Variants in FSTL5 observed in about 807,000 individuals in gnomAD.
The protein encoded by FSTL5 is follistatin like 5.
In FSTL5, 62 loss-of-function variants were observed where a neutral mutation model predicts 89.1. That is an observed-to-expected ratio of 0.70 (90% confidence interval 0.57 to 0.86). The LOEUF is 0.86. Ranked by LOEUF, FSTL5 falls within the 40% of genes least tolerant of loss-of-function variation. FSTL5 has a pLI of 0.00. For synonymous variants in FSTL5, 383 were observed against 346.2 expected, an observed-to-expected ratio of 1.11 and a Z score of -1.18; for missense variants, 1,057 against 1,001.6, an observed-to-expected ratio of 1.06 and a Z score of -0.75.
At chr4:162,083,396 T>G (rs1730177733) in intron 2 of FSTL5, among the ~76,000 whole-genome samples, 1 of 151,750 alleles carries the variant, frequency 6.6e-6, no homozygotes, top group Non-Finnish European at 1.5e-5. Flanking sequence ...TTTATTAAAG[T>G]ATGAAAAAAT....
intron 6 of FSTL5, among the ~76,000 whole-genome samples, chr4:161,707,955 A>G (rs1738639882): frequency 6.6e-6 from 1 of 151,630 alleles, no homozygotes; most frequent in Admixed American, 6.6e-5. Flanking sequence ...TACCTTCCAC[A>G]TTTTATAAAG....
chr4:161,728,650 T>G (rs1051462612), intron 6 of FSTL5, among the ~76,000 whole-genome samples: 2 of 152,066 alleles, frequency 1.3e-5, no homozygotes, highest in Non-Finnish European at 2.9e-5. Context: ...ATACATAATA[T>G]GGTAATATAT....
chr4:161,433,806 T>C (rs896671422), intron 15 of FSTL5, among the ~76,000 whole-genome samples: 1 of 151,882 alleles, frequency 6.6e-6, no homozygotes, highest in Non-Finnish European at 1.5e-5. Flanking sequence ...ATCCCATATA[T>C]AATAGCTACA....
chr4:161,538,603 T>C (rs765682419), intron 9 of FSTL5, among the ~76,000 whole-genome samples: 3 of 152,194 alleles, frequency 2.0e-5, no homozygotes, highest in Non-Finnish European at 4.4e-5. Flanking sequence ...TTCATTTATA[T>C]ATTTACTTAT....
chr4:161,656,338 T>C lies in FSTL5; in HGVS notation c.884A>G (p.Glu295Gly). ...TATTTATGTACTCACATTGATGTCT[T>C]CCAAATCTAAATTATTTAGAATAAT... ...NNIILNNLDL[E>G]DINDFGDDGS... The change falls in exon 7 of 16, where the codon GAA (glutamate) becomes GGA (glycine). Residue 295 changes from glutamate (E) to glycine (G), a missense_variant. Transcript: ENST00000306100. The C allele has an allele frequency of 6.4e-7, 1 of 1,567,470 alleles. No individual in the cohort carries two copies. Among genetic ancestry groups the C allele is most frequent in the South Asian group, 1.2e-5 (1 of 86,664 alleles).
intron 6 of FSTL5, among the ~76,000 whole-genome samples, chr4:161,751,517 G>A (rs1266352135): frequency 1.3e-5 from 2 of 152,242 alleles, no homozygotes; most frequent in Admixed American, 6.5e-5. Flanking sequence ...CCCTGGCACA[G>A]GGACTCACAC....
At chr4:161,691,683 T>C (rs1737949209) in intron 6 of FSTL5, among the ~76,000 whole-genome samples, 1 of 152,170 alleles carries the variant, frequency 6.6e-6, no homozygotes, top group Non-Finnish European at 1.5e-5. Flanking sequence ...ACTTACATCT[T>C]TAATTTCTTT....
intron 12 of FSTL5, among the ~76,000 whole-genome samples, chr4:161,493,972 A>G (rs1056486023): frequency 6.6e-6 from 1 of 152,198 alleles, no homozygotes; most frequent in Non-Finnish European, 1.5e-5. Context: ...TTAAAGCTTA[A>G]GAGAAACACG....
At chr4:161,987,558 C>A (rs1338824137) in intron 3 of FSTL5, among the ~76,000 whole-genome samples, 2 of 144,502 alleles carry the variant, frequency 1.4e-5, no homozygotes, top group Non-Finnish European at 3.0e-5. Context: ...AGTATATATA[C>A]TTTATTGAAA....
intron 2 of FSTL5, among the ~76,000 whole-genome samples, chr4:162,046,452 C>CT (rs1738183148): frequency 6.6e-6 from 1 of 152,074 alleles, no homozygotes; most frequent in Admixed American, 6.6e-5. Flanking sequence ...GTTGTAAACT[C>CT]TTTAATCTTT....
intron 3 of FSTL5, among the ~76,000 whole-genome samples, chr4:161,960,664 T>C (rs1295687855): frequency 6.6e-6 from 1 of 152,102 alleles, no homozygotes; most frequent in African/African-American, 2.4e-5. Context: ...TTTACAATAA[T>C]TTATTTCAAA....
At chr4:161,946,710 A>G (rs1029907928) in intron 3 of FSTL5, among the ~76,000 whole-genome samples, 5 of 152,194 alleles carry the variant, frequency 3.3e-5, no homozygotes. Context: ...AGGAACATTC[A>G]TGGACACATA....
intron 3 of FSTL5, among the ~76,000 whole-genome samples, chr4:161,955,795 G>T (rs1274335190): frequency 6.6e-6 from 1 of 151,712 alleles, no homozygotes; most frequent in Non-Finnish European, 1.5e-5. Context: ...ATGTGACATG[G>T]GTTTAATTAA....
chr4:161,867,164 T>C (rs1223025784), intron 4 of FSTL5, among the ~76,000 whole-genome samples: 6 of 152,052 alleles, frequency 3.9e-5, no homozygotes, highest in African/African-American at 9.7e-5. Context: ...TTCATACATA[T>C]ATATTTTATA....
intron 6 of FSTL5, among the ~76,000 whole-genome samples, chr4:161,684,812 G>T (rs928057803): frequency 3.3e-5 from 5 of 151,798 alleles, no homozygotes; most frequent in Non-Finnish European, 5.9e-5. Flanking sequence ...CATTTGCTTG[G>T]TCATGAAATC....
intron 7 of FSTL5, among the ~76,000 whole-genome samples, chr4:161,605,258 A>T (rs190453731): frequency 6.6e-6 from 1 of 152,306 alleles, no homozygotes; most frequent in East Asian, 1.9e-4. Context: ...TTATACTTAA[A>T]TAAAAACTTG....
chr4:161,434,034 C>T (rs67357694), intron 15 of FSTL5, among the ~76,000 whole-genome samples: 20,989 of 151,922 alleles, frequency 0.14, 1,742 homozygotes, highest in East Asian at 0.25. Context: ...ACATTCTTCT[C>T]GAAACAGAAA....
intron 2 of FSTL5, among the ~76,000 whole-genome samples, chr4:162,085,061 G>T (rs1361596122): frequency 6.6e-6 from 1 of 151,894 alleles, no homozygotes; most frequent in Admixed American, 6.6e-5. Flanking sequence ...CTAAATAACA[G>T]CTGTTACAAG....
At chr4:161,684,180 A>C (rs1737623384) in intron 6 of FSTL5, among the ~76,000 whole-genome samples, 1 of 152,110 alleles carries the variant, frequency 6.6e-6, no homozygotes, top group South Asian at 2.1e-4. Context: ...TCGTTGATTG[A>C]TGGGCATTTA....
Sources: gnomAD v4.1 joint callset for allele counts (sites outside exome capture counted in the v4.1 genomes callset) on GRCh38, gnomAD v4.1.1 for gene constraint, MANE v1.5 for transcripts, NCBI Gene and HGNC (gene_info 2026-07-23, HGNC 2026-07-21) for gene names.